SEMA6D: variants seen among roughly 807,000 people sequenced by gnomAD.
The protein encoded by SEMA6D is semaphorin-6D.
In SEMA6D, 35 loss-of-function variants were observed where a neutral mutation model predicts 106.6. The ratio of observed to expected loss-of-function variants is 0.33; its 90% CI spans 0.25 to 0.44. The LOEUF (loss-of-function observed/expected upper bound fraction) is 0.44. SEMA6D is among the 20% of genes least tolerant of loss of function. The pLI, the probability that SEMA6D is intolerant of heterozygous loss-of-function variation, is 1.00. For synonymous variants in SEMA6D, 499 were observed against 487.7 expected, an observed-to-expected ratio of 1.02 and a Z score of -0.31; for missense variants, 1,185 against 1,345.9, an observed-to-expected ratio of 0.88 and a Z score of 1.87.
chr15:47,741,851 C>T (rs1419749578), intron 1 of SEMA6D, among the ~76,000 whole-genome samples: 1 of 152,194 alleles, frequency 6.6e-6, no homozygotes, highest in African/African-American at 2.4e-5. Flanking sequence ...ATCCTGCCTT[C>T]GAGGAGCTCA....
chr15:47,552,890 A>ATTTTT (rs1265251330), intron 3 of SEMA6D, among the ~76,000 whole-genome samples: 3 of 16,820 alleles, frequency 1.8e-4, no homozygotes, highest in African/African-American at 7.6e-4. Context: ...AAATATATAT[A>ATTTTT]AATATATATA....
intron 1 of SEMA6D, among the ~76,000 whole-genome samples, chr15:47,233,027 A>G (rs1595782536): frequency 1.3e-5 from 2 of 151,992 alleles, no homozygotes; most frequent in East Asian, 3.9e-4. Context: ...ATCTAATGTC[A>G]TAAATATTTA....
In SEMA6D at chr15:47,770,722, T is replaced by A. The variant is rs1004909871; in HGVS notation, c.2159T>A (p.Leu720His). The A allele has an allele frequency of 2.3e-5, 37 of 1,614,018 alleles. No individual in the cohort carries two copies. Among genetic ancestry groups the A allele is most frequent in the Non-Finnish European group, 2.6e-5 (31 of 1,179,998 alleles). The change falls in exon 19 of 19, where the codon CTC becomes CAC. Residue 720 changes from leucine to histidine, a missense_variant. Leu to His is a moderately conservative substitution (Grantham distance 99). Around this residue, in one of 3 missense-constraint regions of SEMA6D, gnomAD observed 750 missense variants for 783.5 expected, o/e 0.96. Transcript: ENST00000536845. ...GGAAGTTTTGCCAAACTGAATGGTC[T>A]CTTTGACAGCCCTGTCAAGGAATAC... ...SSGSFAKLNGLFDSPVKEYQQ... is the reference protein window; with the variant it reads ...SSGSFAKLNGHFDSPVKEYQQ...
intron 1 of SEMA6D, among the ~76,000 whole-genome samples, chr15:47,729,991 C>T (rs1237458789): frequency 3.3e-5 from 5 of 152,128 alleles, no homozygotes; most frequent in Non-Finnish European, 5.9e-5. Flanking sequence ...GGGAGAGAGT[C>T]TATATGACCT....
intron 2 of SEMA6D, among the ~76,000 whole-genome samples, chr15:47,446,617 G>A (rs1375433144): frequency 1.3e-5 from 2 of 152,186 alleles, no homozygotes; most frequent in East Asian, 3.9e-4. Context: ...TAGTAATTCA[G>A]TAGTAAACTT....
At chr15:47,330,495 A>G (rs2037301198) in intron 1 of SEMA6D, among the ~76,000 whole-genome samples, 1 of 152,086 alleles carries the variant, frequency 6.6e-6, no homozygotes, top group African/African-American at 2.4e-5. Context: ...CATATTTTCC[A>G]TGTTCTAAAC....
intron 1 of SEMA6D, among the ~76,000 whole-genome samples, chr15:47,301,881 T>G (rs2036036659): frequency 6.6e-6 from 1 of 152,198 alleles, no homozygotes; most frequent in Non-Finnish European, 1.5e-5. Flanking sequence ...AAAGCAGCAA[T>G]ATTTATTTGG....
chr15:47,663,237 A>G (rs1035912756), intron 4 of SEMA6D, among the ~76,000 whole-genome samples: 6 of 152,202 alleles, frequency 3.9e-5, no homozygotes, highest in African/African-American at 1.4e-4. Flanking sequence ...AACAAATTCC[A>G]GGAGGAATGT....
intron 1 of SEMA6D, among the ~76,000 whole-genome samples, chr15:47,395,035 T>C (rs567784524): frequency 6.6e-6 from 1 of 152,258 alleles, no homozygotes; most frequent in Admixed American, 6.5e-5. Context: ...TATATGCAGC[T>C]TTCCTGGACA....
At chr15:47,549,264 T>C (rs1452378403) in intron 3 of SEMA6D, among the ~76,000 whole-genome samples, 1 of 152,170 alleles carries the variant, frequency 6.6e-6, no homozygotes, top group Non-Finnish European at 1.5e-5. Flanking sequence ...CAGGAAACTC[T>C]GTACCAGCTG....
At chr15:47,204,363 G>T (rs1057223959) in intron 1 of SEMA6D, among the ~76,000 whole-genome samples, 2 of 152,148 alleles carry the variant, frequency 1.3e-5, no homozygotes, top group African/African-American at 2.4e-5. Flanking sequence ...TTCAGTTTGT[G>T]TGGAAGATCA....
chr15:47,765,315 C>G (rs2082279829), intron 13 of SEMA6D: 1 of 1,247,880 alleles, frequency 8.0e-7, no homozygotes, highest in African/African-American at 1.5e-5. Flanking sequence ...ATTTTAACAG[C>G]ACCTCTCTTA....
At chr15:47,740,221 A>C (rs1005202161) in intron 1 of SEMA6D, among the ~76,000 whole-genome samples, 3 of 152,122 alleles carry the variant, frequency 2.0e-5, no homozygotes, top group Non-Finnish European at 4.4e-5. Flanking sequence ...ATAGTTGAAA[A>C]TAGAAAGTAA....
At chr15:47,542,840 T>C (rs2142244994) in intron 3 of SEMA6D, among the ~76,000 whole-genome samples, 1 of 152,190 alleles carries the variant, frequency 6.6e-6, no homozygotes, top group African/African-American at 2.4e-5. Context: ...GCTATGAGGC[T>C]TAGGACAGAA....
chr15:47,743,310 TG>T (rs950603020), intron 1 of SEMA6D, among the ~76,000 whole-genome samples: 7 of 152,244 alleles, frequency 4.6e-5, no homozygotes. Context: ...TGTTCATTAC[TG>T]GTGATCGTGG....
intron 1 of SEMA6D, among the ~76,000 whole-genome samples, chr15:47,247,441 A>G (rs139100110): frequency 2.6e-5 from 4 of 152,238 alleles, no homozygotes; most frequent in African/African-American, 9.6e-5. Context: ...GAAAAAAAAA[A>G]CTGTCATCCA....
chr15:47,487,354 G>C (rs1381384781), intron 3 of SEMA6D, among the ~76,000 whole-genome samples: 1 of 152,130 alleles, frequency 6.6e-6, no homozygotes, highest in East Asian at 1.9e-4. Context: ...CTTCTTCTAA[G>C]AAACTCACCA....
chr15:47,538,737 C>A (rs187173143), intron 3 of SEMA6D, among the ~76,000 whole-genome samples: 15 of 152,170 alleles, frequency 9.9e-5, no homozygotes, highest in Non-Finnish European at 1.6e-4. Context: ...AGTTTAGTAA[C>A]AAATAACCTT....
At chr15:47,461,817 A>C (rs1805796149) in intron 2 of SEMA6D, among the ~76,000 whole-genome samples, 1 of 152,036 alleles carries the variant, frequency 6.6e-6, no homozygotes, top group South Asian at 2.1e-4. Context: ...CTTGAAGGGC[A>C]AATTTGTAAA....
Sources: allele counts gnomAD v4.1 joint callset (sites outside exome capture counted in the v4.1 genomes callset), GRCh38; gene constraint gnomAD v4.1.1; regional missense constraint gnomAD v4.1.1; transcripts MANE v1.5; gene names NCBI Gene and HGNC (gene_info 2026-07-23, HGNC 2026-07-21).